PRIM2: variants seen among roughly 807,000 people sequenced by gnomAD.
PRIM2 encodes DNA primase subunit 2.
A neutral mutation model predicts 67.3 loss-of-function variants in PRIM2; 39 were observed. The observed-to-expected ratio is 0.58, with a 90% CI of 0.45 to 0.76. The LOEUF is 0.76. PRIM2 is among the 30% of genes least tolerant of loss of function. The pLI is 0.00. For synonymous variants in PRIM2, 143 were observed against 198.7 expected (o/e 0.72, Z 2.36); for missense variants, 398 against 598.7 (o/e 0.66, Z 3.50).
chr6:57,393,258 G>T (rs137992631), intron 7 of PRIM2, among the ~76,000 whole-genome samples: 1,882 of 152,156 alleles, frequency 0.012, 42 homozygotes, highest in African/African-American at 0.043. Flanking sequence ...GGCTGTACTA[G>T]TTTACACTCC....
chr6:57,572,304 A>G (rs1775877582), intron 10 of PRIM2, among the ~76,000 whole-genome samples: 1 of 152,216 alleles, frequency 6.6e-6, no homozygotes, highest in Non-Finnish European at 1.5e-5. Context: ...AGCCAAAACC[A>G]TGGAATTTGA....
the PRIM2 span, among the ~76,000 whole-genome samples, chr6:57,270,973 G>T: frequency 6.6e-6 from 1 of 151,930 alleles, no homozygotes; most frequent in Non-Finnish European, 1.5e-5. Context: ...TCCCAGGGAT[G>T]AAGCCCACTT....
intron 7 of PRIM2, among the ~76,000 whole-genome samples, chr6:57,406,496 C>A (rs1251696222): frequency 6.6e-6 from 1 of 152,072 alleles, no homozygotes; most frequent in African/African-American, 2.4e-5. Context: ...ACAGAGAGAA[C>A]CCTGTGAACT....
chr6:57,366,482 C>G (rs1425738474), intron 5 of PRIM2, among the ~76,000 whole-genome samples: 5 of 151,940 alleles, frequency 3.3e-5, no homozygotes, highest in African/African-American at 1.2e-4. Context: ...AGGGGTGATG[C>G]GTTGCTTGTG....
intron 5 of PRIM2, among the ~76,000 whole-genome samples, chr6:57,360,816 A>G (rs1769172395): frequency 6.6e-6 from 1 of 152,164 alleles, no homozygotes; most frequent in Admixed American, 6.5e-5. Context: ...CCTTTTTTTG[A>G]TAACACTAGC....
intron 10 of PRIM2, among the ~76,000 whole-genome samples, chr6:57,539,249 T>C (rs1224244052): frequency 3.9e-5 from 6 of 152,108 alleles, no homozygotes; most frequent in Non-Finnish European, 8.8e-5. Flanking sequence ...ATCCTCCAAT[T>C]TGAAATAATT....
At chr6:57,634,819 A>AT (rs1422535276) in intron 13 of PRIM2, among the ~76,000 whole-genome samples, 1 of 152,162 alleles carries the variant, frequency 6.6e-6, no homozygotes, top group Non-Finnish European at 1.5e-5. Flanking sequence ...ATTAATGAAG[A>AT]TTTTGGAAAG....
intron 10 of PRIM2, among the ~76,000 whole-genome samples, chr6:57,587,588 C>A (rs1407754249): frequency 7.4e-6 from 1 of 134,628 alleles, no homozygotes; most frequent in Admixed American, 8.6e-5. Context: ...GGCGTGAACT[C>A]GGGAGGCAGA....
At chr6:57,283,074 C>T in the PRIM2 span, among the ~76,000 whole-genome samples, 3 of 152,100 alleles carry the variant, frequency 2.0e-5, no homozygotes, top group Non-Finnish European at 4.4e-5. Flanking sequence ...TCTAGTCCTC[C>T]TCAGTTTTGA....
chr6:57,348,953 G>A (rs114586921), intron 5 of PRIM2, among the ~76,000 whole-genome samples: 6 of 151,822 alleles, frequency 4.0e-5, no homozygotes, highest in South Asian at 2.1e-4. Flanking sequence ...CACCATTTTC[G>A]TCAGGATGGT....
chr6:57,423,749 C>T (rs1562745307), intron 7 of PRIM2, among the ~76,000 whole-genome samples: 2 of 152,182 alleles, frequency 1.3e-5, no homozygotes, highest in Non-Finnish European at 2.9e-5. Context: ...ACTAAAGGAT[C>T]CCGTGCTGCC....
At chr6:57,270,145 T>G in the PRIM2 span, among the ~76,000 whole-genome samples, 1 of 152,056 alleles carries the variant, frequency 6.6e-6, no homozygotes, top group Non-Finnish European at 1.5e-5. Context: ...AACTTTAAAG[T>G]AGTTTTTTCC....
chr6:57,404,775 G>C (rs530307455), intron 7 of PRIM2, among the ~76,000 whole-genome samples: 3 of 144,942 alleles, frequency 2.1e-5, no homozygotes, highest in South Asian at 4.6e-4. Context: ...GCAAGGAGCA[G>C]CTTCCTTCTT....
At chr6:57,599,094 C>G (rs1776417908) in intron 10 of PRIM2, among the ~76,000 whole-genome samples, 1 of 64,232 alleles carries the variant, frequency 1.6e-5, no homozygotes, top group Non-Finnish European at 2.9e-5. Context: ...CTACAGGCAC[C>G]CGCTACCACA....
At chr6:57,447,096 A>G (rs1420073297) in intron 7 of PRIM2, among the ~76,000 whole-genome samples, 1 of 152,218 alleles carries the variant, frequency 6.6e-6, no homozygotes, top group Admixed American at 6.5e-5. Context: ...CCACCAGGCA[A>G]TTGCTTAAAA....
chr6:57,462,181 C>CA (rs1013609649), intron 7 of PRIM2, among the ~76,000 whole-genome samples: 14 of 151,462 alleles, frequency 9.2e-5, no homozygotes, highest in African/African-American at 2.9e-4. Context: ...ACCATTTTGG[C>CA]AAAAAAATCA....
intron 7 of PRIM2, among the ~76,000 whole-genome samples, chr6:57,446,666 G>A (rs1393733760): frequency 6.6e-6 from 1 of 151,968 alleles, no homozygotes; most frequent in Non-Finnish European, 1.5e-5. Context: ...TTAGGTTCAG[G>A]GCTGTTGTTT....
At chr6:57,537,826 A>G (rs1313243780) in intron 10 of PRIM2, among the ~76,000 whole-genome samples, 1 of 152,198 alleles carries the variant, frequency 6.6e-6, no homozygotes, top group Non-Finnish European at 1.5e-5. Flanking sequence ...GAATGTTTTC[A>G]TTTGTAGGTA....
chr6:57,560,019 C>T lies in PRIM2; in HGVS notation c.1020+22394C>T, dbSNP rs1407922688. Among the ~76,000 whole-genome samples the T allele has an allele frequency of 2.6e-5, 4 of 152,260 alleles. No individual in the cohort carries two copies. The South Asian group carries it at 6.2e-4, about 24-fold the overall frequency. Reference sequence around the variant, plus strand: ...CCATGAAGTTTGCTGCATTGATTGACGTTTCCTTTCATAAAAGATTTCTTT... The same window carrying T: ...CCATGAAGTTTGCTGCATTGATTGATGTTTCCTTTCATAAAAGATTTCTTT... On this transcript the variant is annotated intron_variant, in intron 10 of 13. Transcript: ENST00000615550.
Sources: allele counts gnomAD v4.1 joint callset (sites outside exome capture counted in the v4.1 genomes callset), GRCh38; gene constraint gnomAD v4.1.1; transcripts MANE v1.5; gene names NCBI Gene and HGNC (gene_info 2026-07-23, HGNC 2026-07-21).